Variants in RGS6 observed in about 807,000 individuals in gnomAD.
The protein encoded by RGS6 is regulator of G protein signaling 6, also known as regulator of G-protein signaling 6.
Under a neutral mutation model 78.5 loss-of-function variants are expected in RGS6, and 30 were observed. That is an observed-to-expected ratio of 0.38 (90% CI 0.29 to 0.52). The LOEUF (loss-of-function observed/expected upper bound fraction) is 0.52. Among genes scored for constraint, RGS6 ranks in the 20% least tolerant of loss-of-function variants. The probability of loss-of-function intolerance (pLI) is 0.85; values close to 1 mark genes in which losing one functional copy is unlikely to be tolerated. For missense variants in RGS6, 495 were observed against 609.7 expected, an observed-to-expected ratio of 0.81 and a Z score of 1.98; for synonymous variants, 206 against 206.0, an observed-to-expected ratio of 1.00 and a Z score of 0.00.
the RGS6 span, among the ~76,000 whole-genome samples, chr14:71,889,424 A>AT: frequency 6.6e-6 from 1 of 151,984 alleles, no homozygotes; most frequent in African/African-American, 2.4e-5. Flanking sequence ...TGGAGTGTGG[A>AT]TTTTTTTCCC....
rs962842116 is a variant in RGS6, at chr14:71,961,593, C to G, written c.-20-3179C>G. ...CATGGATCTGTCTAATGAGAGGCAT[C>G]TTGTAACCATCAAGCTGTATTGTCT... On this transcript the variant is annotated intron_variant, in intron 1 of 17. Coordinates refer to ENST00000553525, the MANE Select transcript of RGS6 (RefSeq NM_001204424.2). 6.6e-5 allele frequency among the ~76,000 whole-genome samples: 10 copies of G among 152,294 alleles called. 1 individual carries two copies. The highest frequency in any genetic ancestry group is 3.4e-3 in the Middle Eastern group (1 of 294).
intron 2 of RGS6, among the ~76,000 whole-genome samples, chr14:72,180,073 G>C (rs770448442): frequency 1.3e-5 from 2 of 152,220 alleles, no homozygotes; most frequent in African/African-American, 4.8e-5. Flanking sequence ...ACTAATGGGA[G>C]TTTAAGAAGG....
At chr14:71,974,103 G>T (rs1417699349) in intron 2 of RGS6, among the ~76,000 whole-genome samples, 2 of 152,002 alleles carry the variant, frequency 1.3e-5, no homozygotes, top group African/African-American at 4.8e-5. Flanking sequence ...TTGGCAGGCA[G>T]TTGATCACTC....
At chr14:72,168,140 C>T (rs533314332) in intron 2 of RGS6, among the ~76,000 whole-genome samples, 57 of 152,216 alleles carry the variant, frequency 3.7e-4, no homozygotes, top group Non-Finnish European at 7.3e-4. Context: ...TTCATGGGGT[C>T]AGGAGAGCTA....
At chr14:72,569,334 T>C (rs955743779), downstream of RGS6, among the ~76,000 whole-genome samples, 20 of 152,138 alleles carry the variant, frequency 1.3e-4, no homozygotes, top group South Asian at 2.1e-4. Context: ...ACCCCTCTGT[T>C]CCTGGAAGCT....
chr14:72,336,957 C>T (rs1453786141), intron 2 of RGS6, among the ~76,000 whole-genome samples: 4 of 151,406 alleles, frequency 2.6e-5, no homozygotes, highest in Non-Finnish European at 4.4e-5. Context: ...GATTAAGATC[C>T]ACACTAACAA....
chr14:72,196,454 C>T (rs1343498451), intron 2 of RGS6, among the ~76,000 whole-genome samples: 2 of 152,184 alleles, frequency 1.3e-5, no homozygotes, highest in East Asian at 3.9e-4. Flanking sequence ...CCCACAGTTG[C>T]TGTGGTGCAT....
intron 3 of RGS6, among the ~76,000 whole-genome samples, chr14:72,368,143 T>A (rs1345931678): frequency 6.6e-6 from 1 of 152,172 alleles, no homozygotes; most frequent in Admixed American, 6.5e-5. Flanking sequence ...TCCAAAAGCA[T>A]GGTGCCAGCA....
chr14:72,323,866 A>G (rs889335098), intron 2 of RGS6, among the ~76,000 whole-genome samples: 12 of 149,170 alleles, frequency 8.0e-5, no homozygotes, highest in African/African-American at 2.9e-4. Context: ...CAGAAGTTAA[A>G]ATATATATGT....
downstream of RGS6, among the ~76,000 whole-genome samples, chr14:72,571,099 T>C (rs1294036434): frequency 6.6e-6 from 1 of 152,248 alleles, no homozygotes; most frequent in African/African-American, 2.4e-5. Context: ...ACTTTTCCTA[T>C]GTAAACTGAA....
chr14:72,246,193 G>A (rs2054176335), intron 2 of RGS6, among the ~76,000 whole-genome samples: 1 of 152,194 alleles, frequency 6.6e-6, no homozygotes. Flanking sequence ...AGGCAACCCA[G>A]CTATACTCAG....
chr14:72,263,353 C>T (rs1303648468), intron 2 of RGS6, among the ~76,000 whole-genome samples: 1 of 152,160 alleles, frequency 6.6e-6, no homozygotes, highest in Non-Finnish European at 1.5e-5. Flanking sequence ...TGTTTCTCTG[C>T]AGACTCTCCG....
chr14:72,296,842 A>G (rs2064937092), intron 2 of RGS6, among the ~76,000 whole-genome samples: 1 of 152,174 alleles, frequency 6.6e-6, no homozygotes, highest in Non-Finnish European at 1.5e-5. Context: ...GTTTGAAGGA[A>G]TCTTGCCTTC....
intron 2 of RGS6, among the ~76,000 whole-genome samples, chr14:72,111,162 C>T (rs991814191): frequency 6.6e-6 from 1 of 152,182 alleles, no homozygotes; most frequent in African/African-American, 2.4e-5. Context: ...TCCACCTTGC[C>T]TAGCTCTGCC....
chr14:72,614,273 G>A, the RGS6 span, among the ~76,000 whole-genome samples: 1 of 152,210 alleles, frequency 6.6e-6, no homozygotes, highest in Admixed American at 6.5e-5. Flanking sequence ...TGGGGTTCAG[G>A]TAGGGAGATT....
intron 15 of RGS6, among the ~76,000 whole-genome samples, chr14:72,528,010 C>T (rs1461674228): frequency 6.6e-6 from 1 of 152,196 alleles, no homozygotes; most frequent in Non-Finnish European, 1.5e-5. Context: ...CGTTCTGAAG[C>T]TGGGAAATGA....
chr14:72,026,808 A>G (rs886681698), intron 2 of RGS6, among the ~76,000 whole-genome samples: 3 of 152,212 alleles, frequency 2.0e-5, no homozygotes, highest in Admixed American at 2.0e-4. Context: ...TCTCATTGTT[A>G]TTTGAAAAAA....
chr14:72,579,773 G>A, the RGS6 span, among the ~76,000 whole-genome samples: 2 of 152,228 alleles, frequency 1.3e-5, no homozygotes, highest in African/African-American at 4.8e-5. Flanking sequence ...CCCAGGAATA[G>A]CAACAAGTAA....
chr14:72,136,326 G>C (rs1007271155), intron 2 of RGS6, among the ~76,000 whole-genome samples: 1 of 152,014 alleles, frequency 6.6e-6, no homozygotes, highest in African/African-American at 2.4e-5. Flanking sequence ...GTGGTTTATG[G>C]TAGGTGTTCA....
Sources: allele counts gnomAD v4.1 joint callset (sites outside exome capture counted in the v4.1 genomes callset), GRCh38; gene constraint gnomAD v4.1.1; transcripts MANE v1.5; gene names NCBI Gene and HGNC (gene_info 2026-07-23, HGNC 2026-07-21).